BPIFB1: variants seen among roughly 807,000 people sequenced by gnomAD.
BPIFB1 encodes the protein BPI fold-containing family B member 1.
In BPIFB1, 34 loss-of-function variants were observed where a neutral mutation model predicts 55.1. The ratio of observed to expected loss-of-function variants is 0.62; its 90% confidence interval spans 0.47 to 0.82. The LOEUF (loss-of-function observed/expected upper bound fraction) is 0.82, where lower values mean the gene tolerates loss of function less well. BPIFB1 is among the 40% of genes least tolerant of loss of function. The pLI, the probability that BPIFB1 is intolerant of heterozygous loss-of-function variation, is 0.00. For missense variants in BPIFB1, 532 were observed against 593.1 expected (o/e 0.90, Z 1.07); for synonymous variants, 236 against 245.3 (o/e 0.96, Z 0.35).
At chr20:33,289,826 G>A (rs1568647248) in intron 3 of BPIFB1, 59 bp from the exon 4 acceptor site, 2 of 1,487,894 alleles carry the variant, frequency 1.3e-6, no homozygotes, top group South Asian at 1.1e-5. Flanking sequence ...TAGAGAGGGA[G>A]TGGATTTGGG....
intron 13 of BPIFB1, among the ~76,000 whole-genome samples, chr20:33,305,455 C>T (rs914579872): frequency 1.3e-5 from 2 of 151,458 alleles, no homozygotes; most frequent in South Asian, 4.2e-4. Context: ...GTAGCTGGGA[C>T]TACAGGCGCC....
chr20:33,289,735 A>T (rs1980393344), intron 3 of BPIFB1, 150 bp from the exon 4 acceptor site: 3 of 669,248 alleles, frequency 4.5e-6, no homozygotes, highest in African/African-American at 1.8e-5. Context: ...GGAGGGATGG[A>T]GGCAAGACCA....
chr20:33,307,315 A>C (rs1488453568), intron 15 of BPIFB1: 1 of 268,320 alleles, frequency 3.7e-6, no homozygotes, highest in African/African-American at 2.2e-5. Context: ...CGAAATGAAC[A>C]AATGGAAAAC....
At chr20:33,293,306 C>T (rs987744776) in intron 6 of BPIFB1, among the ~76,000 whole-genome samples, 4 of 152,070 alleles carry the variant, frequency 2.6e-5, no homozygotes, top group East Asian at 1.9e-4. Context: ...CACCCAGGAG[C>T]GCTTTGATCT....
chr20:33,287,674 G>C (rs1381467312), intron 2 of BPIFB1, among the ~76,000 whole-genome samples: 1 of 152,196 alleles, frequency 6.6e-6, no homozygotes, highest in African/African-American at 2.4e-5. Context: ...TCTGACGCTA[G>C]TGGGTGGAGA....
At chr20:33,285,581 G>A (rs527901760) in intron 1 of BPIFB1, among the ~76,000 whole-genome samples, 36 of 151,654 alleles carry the variant, frequency 2.4e-4, no homozygotes, top group African/African-American at 4.6e-4. Context: ...AGCCTGGCGC[G>A]GTGGTGGGTG....
Position 33,288,679 on chromosome 20 carries a change from T to A in BPIFB1, c.116-62T>A, listed in dbSNP as rs2295576. 3.8e-6 allele frequency: 6 copies of A among 1,576,358 alleles called. No homozygotes were observed. In the African/African-American group the frequency reaches 6.8e-5, roughly 18 times the overall value. On this transcript the variant is annotated intron_variant, in intron 2 of 15. Coordinates refer to ENST00000253354, the MANE Select transcript of BPIFB1 (RefSeq NM_033197.3). ...GTGATACCCCTCCCCAGCCTGGAGC[T>A]CCCACCAAGCCTTCCTTCTTGCCCC...
At chr20:33,307,207 C>G in intron 15 of BPIFB1, 1 of 530,476 alleles carries the variant, frequency 1.9e-6, no homozygotes, top group Non-Finnish European at 3.4e-6. Flanking sequence ...TTTCCACCCC[C>G]TTGTCATTCA....
intron 1 of BPIFB1, among the ~76,000 whole-genome samples, chr20:33,284,683 C>A (rs894245270): frequency 1.3e-5 from 2 of 152,146 alleles, no homozygotes; most frequent in African/African-American, 4.8e-5. Context: ...CCCCTCCCTC[C>A]AAGCAGGACA....
intron 7 of BPIFB1, among the ~76,000 whole-genome samples, chr20:33,299,421 T>C (rs1307298006): frequency 6.6e-6 from 1 of 152,218 alleles, no homozygotes; most frequent in Admixed American, 6.5e-5. Flanking sequence ...CTAAGCTTCC[T>C]TGAGATCCAG....
Position 33,303,059 on chromosome 20 carries a change from G to A in BPIFB1, c.1125G>A (p.Leu375=), listed in dbSNP as rs1980907424. 1.2e-6 allele frequency: 2 copies of A among 1,613,832 alleles called. No homozygotes were observed. Among genetic ancestry groups the A allele is most frequent in the African/African-American group, 2.7e-5 (2 of 75,044 alleles). The change falls in exon 11 of 16, where the codon TTG becomes TTA. Residue 375 remains leucine (L), a synonymous_variant. Coordinates refer to ENST00000253354, the MANE Select transcript of BPIFB1 (RefSeq NM_033197.3). ...VFPSSEALRP[L]FTLGIEASSE... ...CCTCCAGTGAAGCCCTCCGCCCTTT[G>A]TTCACCCTGGGCATCGTGAGTTCAG...
intron 6 of BPIFB1, 126 bp from the exon 7 acceptor site, chr20:33,297,399 T>G (rs1980687835): frequency 2.0e-6 from 2 of 986,278 alleles, no homozygotes; most frequent in African/African-American, 1.6e-5. Context: ...AACCCATGGA[T>G]GGAACCTGGC....
At chr20:33,302,666 T>A (rs1035946945) in intron 10 of BPIFB1, 2 of 624,074 alleles carry the variant, frequency 3.2e-6, no homozygotes, top group Non-Finnish European at 5.6e-6. Context: ...TCTGGGCCCC[T>A]GATACAGTCT....
At chr20:33,298,230 A>G (rs13433098) in intron 7 of BPIFB1, among the ~76,000 whole-genome samples, 17,414 of 152,210 alleles carry the variant, frequency 0.11, 3,265 homozygotes, top group African/African-American at 0.39. Context: ...TATCTGAGAA[A>G]TTAAAGCATG....
chr20:33,303,637 T>C (rs2146535006), intron 11 of BPIFB1, among the ~76,000 whole-genome samples: 1 of 152,280 alleles, frequency 6.6e-6, no homozygotes, highest in South Asian at 2.1e-4. Context: ...AAATGGAATA[T>C]GAAAACTTCC....
intron 6 of BPIFB1, among the ~76,000 whole-genome samples, chr20:33,293,056 G>A (rs971581706): frequency 6.6e-6 from 1 of 152,202 alleles, no homozygotes; most frequent in Non-Finnish European, 1.5e-5. Context: ...CAAGTGGCTG[G>A]GATGACAGAT....
intron 5 of BPIFB1, among the ~76,000 whole-genome samples, chr20:33,291,595 G>A (rs747940522): frequency 2.6e-5 from 4 of 152,214 alleles, no homozygotes; most frequent in Admixed American, 1.3e-4. Context: ...CAGTGCACGC[G>A]CATGGTGGTG....
Position 33,287,344 on chromosome 20 carries a change from C to T in BPIFB1, c.115+1156C>T, listed in dbSNP as rs566751334. On this transcript the variant is annotated intron_variant, in intron 2 of 15. Transcript: ENST00000253354. Reference sequence around the variant, plus strand: ...ATGTCCAAGCCAGTTACCACTGTGGCGACTGAAGCTCAGTCCTGCCTAGCA... The same window carrying T: ...ATGTCCAAGCCAGTTACCACTGTGGTGACTGAAGCTCAGTCCTGCCTAGCA... 7.9e-5 allele frequency among the ~76,000 whole-genome samples: 12 copies of T among 152,316 alleles called. No homozygotes were observed. The South Asian group carries it at 1.0e-3, about 13-fold the overall frequency.
chr20:33,299,803 A>T, intron 7 of BPIFB1, 96 bp from the exon 8 acceptor site: 3 of 662,600 alleles, frequency 4.5e-6, no homozygotes, highest in East Asian at 3.5e-5. Context: ...CTGCCCCCCC[A>T]TGCAACAGTA....
Sources: allele counts gnomAD v4.1 joint callset (sites outside exome capture counted in the v4.1 genomes callset), GRCh38; gene constraint gnomAD v4.1.1; transcripts MANE v1.5; gene names NCBI Gene and HGNC (gene_info 2026-07-23, HGNC 2026-07-21).